The following ZHX2 variants were observed in gnomAD, a reference collection of about 807,000 sequenced individuals.
The protein encoded by ZHX2 is zinc fingers and homeoboxes protein 2.
Under a neutral mutation model 21.9 loss-of-function variants are expected in ZHX2, and 6 were observed. That is an observed-to-expected ratio of 0.27 (90% confidence interval 0.15 to 0.54). The LOEUF (loss-of-function observed/expected upper bound fraction) is 0.54. Among genes scored for constraint, ZHX2 ranks in the 20% least tolerant of loss-of-function variants. ZHX2 has a pLI of 0.95. For synonymous variants in ZHX2, 434 were observed against 437.1 expected (o/e 0.99, Z 0.09); for missense variants, 908 against 1,090.7 (o/e 0.83, Z 2.36).
chr8:122,809,900 T>G lies in ZHX2; in HGVS notation c.-283+27954T>G, dbSNP rs888572893. On this transcript the variant is annotated intron_variant, in intron 1 of 3. Coordinates refer to ENST00000314393, the MANE Select transcript of ZHX2 (RefSeq NM_014943.5). Reference sequence around the variant, plus strand: ...AATCCTGTAGTTAGAGAGGTCTCTATGAGTTTTCAGAAGGAGTTAGAAAAG... The same window carrying G: ...AATCCTGTAGTTAGAGAGGTCTCTAGGAGTTTTCAGAAGGAGTTAGAAAAG... Among the ~76,000 whole-genome samples the G allele has an allele frequency of 9.4e-4, 143 of 152,242 alleles. 1 individual carries two copies. The highest frequency in any genetic ancestry group is 3.4e-3 in the African/African-American group (140 of 41,546).
chr8:122,935,757 G>A (rs539165510), intron 2 of ZHX2, among the ~76,000 whole-genome samples: 3 of 151,868 alleles, frequency 2.0e-5, no homozygotes, highest in African/African-American at 4.8e-5. Flanking sequence ...GGATTGTCTC[G>A]ATCTCCTGAC....
At chr8:122,957,776 A>G (rs1813346890) in intron 3 of ZHX2, among the ~76,000 whole-genome samples, 2 of 152,070 alleles carry the variant, frequency 1.3e-5, no homozygotes, top group Non-Finnish European at 2.9e-5. Flanking sequence ...CCACCATTGG[A>G]GTTCCATGGT....
intron 1 of ZHX2, among the ~76,000 whole-genome samples, chr8:122,834,175 T>C (rs1275705732): frequency 3.3e-5 from 5 of 152,142 alleles, no homozygotes; most frequent in South Asian, 4.2e-4. Context: ...AAAAATAACA[T>C]ACCGGCCCAC....
chr8:122,901,021 A>G (rs114849209), intron 2 of ZHX2, among the ~76,000 whole-genome samples: 3,035 of 152,318 alleles, frequency 0.02, 91 homozygotes, highest in African/African-American at 0.069. Flanking sequence ...AAGAAAAAAT[A>G]TAATTAGCTG....
At chr8:122,948,616 A>G (rs1209063073) in intron 2 of ZHX2, among the ~76,000 whole-genome samples, 1 of 152,248 alleles carries the variant, frequency 6.6e-6, no homozygotes, top group Non-Finnish European at 1.5e-5. Flanking sequence ...GAAGCAAGGC[A>G]TAAGTGCAGT....
intron 2 of ZHX2, among the ~76,000 whole-genome samples, chr8:122,866,121 G>A (rs947856014): frequency 1.3e-5 from 2 of 152,288 alleles, no homozygotes; most frequent in South Asian, 2.1e-4. Flanking sequence ...GGAAGTAGTC[G>A]TGAAGACTGA....
intron 2 of ZHX2, among the ~76,000 whole-genome samples, chr8:122,890,795 A>T (rs1281321023): frequency 6.6e-6 from 1 of 152,016 alleles, no homozygotes; most frequent in African/African-American, 2.4e-5. Context: ...TTTTTATTTT[A>T]TATGTTGATT....
chr8:122,955,071 G>GC (rs1554589354), intron 3 of ZHX2, among the ~76,000 whole-genome samples: 1 of 121,820 alleles, frequency 8.2e-6, no homozygotes, highest in African/African-American at 3.9e-5. Flanking sequence ...ACATAAGCCG[G>GC]GGGGGGGGGG....
intron 2 of ZHX2, among the ~76,000 whole-genome samples, chr8:122,898,434 T>C (rs2129918560): frequency 6.6e-6 from 1 of 152,226 alleles, no homozygotes; most frequent in Non-Finnish European, 1.5e-5. Flanking sequence ...GACAACCACT[T>C]AATAGGTACA....
intron 2 of ZHX2, among the ~76,000 whole-genome samples, chr8:122,913,350 T>C (rs549459642): frequency 2.0e-5 from 3 of 152,224 alleles, no homozygotes; most frequent in Non-Finnish European, 2.9e-5. Context: ...GGTTTTCGCA[T>C]GGTAGGAACC....
intron 1 of ZHX2, among the ~76,000 whole-genome samples, chr8:122,785,730 GT>G (rs1205019832): frequency 2.0e-5 from 3 of 152,220 alleles, no homozygotes; most frequent in Admixed American, 2.0e-4. Context: ...GGGAGGGCAT[GT>G]GCCGCCTGAG....
At chr8:122,879,798 A>G (rs1448060615) in intron 2 of ZHX2, among the ~76,000 whole-genome samples, 1 of 152,022 alleles carries the variant, frequency 6.6e-6, no homozygotes, top group Non-Finnish European at 1.5e-5. Flanking sequence ...GTGGCCTTGG[A>G]TATATCACTT....
chr8:122,813,219 A>G (rs993607077), intron 1 of ZHX2, among the ~76,000 whole-genome samples: 3 of 152,010 alleles, frequency 2.0e-5, no homozygotes, highest in Non-Finnish European at 4.4e-5. Context: ...AAAAGAAAAA[A>G]AAGAAGTAGG....
chr8:122,964,421 C>CT (rs1368192049), intron 3 of ZHX2, among the ~76,000 whole-genome samples: 2 of 151,604 alleles, frequency 1.3e-5, no homozygotes, highest in African/African-American at 2.4e-5. Flanking sequence ...TTTGTTTTCA[C>CT]TTTTTTTTAA....
intron 2 of ZHX2, among the ~76,000 whole-genome samples, chr8:122,934,258 C>T (rs1325399816): frequency 2.6e-5 from 4 of 152,138 alleles, no homozygotes; most frequent in Non-Finnish European, 5.9e-5. Flanking sequence ...CAATTCAAAC[C>T]GTTCTGTACT....
At chr8:122,955,861 T>C (rs1263064974) in intron 3 of ZHX2, among the ~76,000 whole-genome samples, 4 of 149,618 alleles carry the variant, frequency 2.7e-5, no homozygotes, top group East Asian at 2.0e-4. Context: ...TTTTTTTTTT[T>C]TGAGACAGAG....
chr8:122,850,068 A>G (rs773124681), intron 1 of ZHX2, among the ~76,000 whole-genome samples: 3 of 152,186 alleles, frequency 2.0e-5, no homozygotes, highest in Admixed American at 6.5e-5. Context: ...TAGTACCTCT[A>G]TTAACCCCAA....
chr8:122,800,939 C>CA (rs1179483844), intron 1 of ZHX2, among the ~76,000 whole-genome samples: 1 of 152,202 alleles, frequency 6.6e-6, no homozygotes, highest in African/African-American at 2.4e-5. Context: ...CACACAGAGC[C>CA]AAAACACAGC....
chr8:122,861,035 C>CA (rs36046690), intron 1 of ZHX2, among the ~76,000 whole-genome samples: 1,666 of 66,018 alleles, frequency 0.025, 41 homozygotes, highest in African/African-American at 0.047. Context: ...GACTTCGTCT[C>CA]AAAAAAAAAA....
Sources: gnomAD v4.1 joint callset for allele counts (sites outside exome capture counted in the v4.1 genomes callset) on GRCh38, gnomAD v4.1.1 for gene constraint, MANE v1.5 for transcripts, NCBI Gene and HGNC (gene_info 2026-07-23, HGNC 2026-07-21) for gene names.